Variants in ERH observed in about 807,000 individuals in gnomAD.
ERH encodes ERH mRNA splicing and mitosis factor.
In ERH, 1 loss-of-function variant was observed where a neutral mutation model predicts 16.8. That is an observed-to-expected ratio of 0.06 (90% CI 0.02 to 0.28). ERH has a LOEUF of 0.28. Among genes scored for constraint, ERH ranks in the 10% least tolerant of loss-of-function variants. ERH has a pLI of 1.00. For missense variants in ERH, 42 were observed against 127.5 expected (o/e 0.33, Z 3.23); for synonymous variants, 43 against 43.6 (o/e 0.99, Z 0.05).
At chr14:69,386,120 C>T (rs1014626418) in intron 3 of ERH, among the ~76,000 whole-genome samples, 3 of 152,132 alleles carry the variant, frequency 2.0e-5, no homozygotes, top group East Asian at 1.9e-4. Flanking sequence ...TGGCTACAAC[C>T]GGAACACAAT....
At chr14:69,389,389 A>T (rs1401411260) in intron 2 of ERH, among the ~76,000 whole-genome samples, 1 of 152,186 alleles carries the variant, frequency 6.6e-6, no homozygotes, top group Admixed American at 6.5e-5. Flanking sequence ...GAATACCAGA[A>T]TATTTATTGC....
intron 2 of ERH, among the ~76,000 whole-genome samples, chr14:69,389,400 G>T (rs538931493): frequency 2.6e-5 from 4 of 152,116 alleles, no homozygotes; most frequent in Non-Finnish European, 2.9e-5. Context: ...TATTTATTGC[G>T]CTACTTGTAT....
intron 1 of ERH, 139 bp downstream of exon 1, chr14:69,398,091 AG>A: frequency 9.2e-7 from 1 of 1,090,914 alleles, no homozygotes; most frequent in Non-Finnish European, 1.4e-6. Flanking sequence ...GGCGGGAAGA[AG>A]GGTCAATCCA....
At chr14:69,397,821 G>A (rs989280655) in intron 1 of ERH, among the ~76,000 whole-genome samples, 5 of 152,208 alleles carry the variant, frequency 3.3e-5, no homozygotes, top group Non-Finnish European at 7.3e-5. Context: ...GGGAGGCTGA[G>A]ACAGGAGAAT....
chr14:69,396,938 A>T (rs1882352586), intron 1 of ERH, among the ~76,000 whole-genome samples: 1 of 152,260 alleles, frequency 6.6e-6, no homozygotes, highest in East Asian at 1.9e-4. Flanking sequence ...TGTAGAAACC[A>T]CGTGCATTCT....
chr14:69,388,804 T>C (rs1382984954), intron 2 of ERH, among the ~76,000 whole-genome samples: 2 of 152,230 alleles, frequency 1.3e-5, no homozygotes, highest in Admixed American at 1.3e-4. Context: ...CTATACTGTA[T>C]ACATAAGCCT....
intron 2 of ERH, among the ~76,000 whole-genome samples, chr14:69,389,074 G>A (rs754641159): frequency 6.6e-6 from 1 of 152,002 alleles, no homozygotes; most frequent in African/African-American, 2.4e-5. Context: ...AGGCTGGAGT[G>A]CATTGGCACA....
At chr14:69,393,834 C>T (rs1288525188) in intron 2 of ERH, among the ~76,000 whole-genome samples, 1 of 152,118 alleles carries the variant, frequency 6.6e-6, no homozygotes, top group Non-Finnish European at 1.5e-5. Context: ...CCAACATGTG[C>T]AACACAGTGA....
At position 69,380,600 on chromosome 14, in the gene ERH, C is replaced by A. The variant is rs2045856999; in HGVS notation, c.253G>T (p.Asp85Tyr). Residue 85 changes from aspartate (D) to tyrosine (Y), a missense_variant, in exon 4 of 4, where the codon GAC becomes TAC. Transcript: ENST00000557016. Reference protein sequence around the residue: ...DTQTYQPYNKDWIKEKIYVLL... With the variant: ...DTQTYQPYNKYWIKEKIYVLL... ...ACGTAGATCTTCTCTTTAATCCAGT[C>A]TTTGTTATAAGGCTGGTATGTCTGG... 2 of 1,608,230 alleles carry A rather than the reference C, an allele frequency of 1.2e-6. No homozygotes were observed. Among genetic ancestry groups the A allele is most frequent in the Admixed American group, 3.4e-5 (2 of 59,516 alleles).
intron 3 of ERH, among the ~76,000 whole-genome samples, chr14:69,385,271 T>C (rs969423685): frequency 3.9e-5 from 6 of 152,220 alleles, no homozygotes; most frequent in African/African-American, 1.4e-4. Flanking sequence ...CACTATCAGA[T>C]AGGTACTTTG....
intron 2 of ERH, among the ~76,000 whole-genome samples, chr14:69,387,340 T>C (rs1441141549): frequency 6.6e-6 from 1 of 151,790 alleles, no homozygotes; most frequent in East Asian, 2.0e-4. Context: ...GAGCATCACT[T>C]GAGCCCCACA....
chr14:69,384,832 T>C (rs1384201848), intron 3 of ERH, among the ~76,000 whole-genome samples: 1 of 152,186 alleles, frequency 6.6e-6, no homozygotes, highest in Non-Finnish European at 1.5e-5. Flanking sequence ...ATATACACAT[T>C]ATTGGTAATT....
At chr14:69,385,651 G>GAA (rs375731964) in intron 3 of ERH, among the ~76,000 whole-genome samples, 171 of 126,476 alleles carry the variant, frequency 1.4e-3, no homozygotes, top group East Asian at 5.5e-3. Context: ...TAAAAAAAAG[G>GAA]AAAAAAAAAA....
chr14:69,388,016 G>C (rs2045902746), intron 2 of ERH, among the ~76,000 whole-genome samples: 1 of 152,152 alleles, frequency 6.6e-6, no homozygotes, highest in African/African-American at 2.4e-5. Context: ...CTGCACTCCA[G>C]CCCGGGTGAC....
rs1185220464 is a variant in ERH, at chr14:69,380,342, G to A, written c.*196C>T. Reference sequence around the variant, plus strand: ...AAATGTTTAAGTAAAAAAAAAAAAAGAAAGAGAAAGAAAAAGAGGAGGTAA... The same window carrying A: ...AAATGTTTAAGTAAAAAAAAAAAAAAAAAGAGAAAGAAAAAGAGGAGGTAA... On this transcript the variant is annotated 3_prime_UTR_variant, in exon 4 of 4. Transcript: ENST00000557016. The A allele has an allele frequency of 6.5e-5, 26 of 397,206 alleles. No individual in the cohort carries two copies. The highest frequency in any genetic ancestry group is 1.9e-4 in the East Asian group (5 of 26,924). 24.6% of individuals were successfully genotyped at this position (397,206 alleles called of 1,614,324 possible). A position where few individuals can be genotyped will look rare whatever the true frequency, so the allele number is the denominator to read the frequency against.
chr14:69,396,462 T>C (rs1594890349), intron 1 of ERH, among the ~76,000 whole-genome samples: 2 of 152,330 alleles, frequency 1.3e-5, no homozygotes, highest in South Asian at 4.1e-4. Context: ...GGTTTCTCCA[T>C]GTTGGTCAGA....
At chr14:69,393,403 T>A (rs1226134226) in intron 2 of ERH, among the ~76,000 whole-genome samples, 1 of 152,106 alleles carries the variant, frequency 6.6e-6, no homozygotes, top group Non-Finnish European at 1.5e-5. Flanking sequence ...CAACTACGTA[T>A]CCATCAATGG....
chr14:69,380,600 C>G lies in ERH; in HGVS notation c.253G>C (p.Asp85His). The G allele has an allele frequency of 3.7e-6, 6 of 1,608,348 alleles. No individual in the cohort carries two copies. The highest frequency in any genetic ancestry group is 5.1e-6 in the Non-Finnish European group (6 of 1,176,904). Residue 85 changes from aspartate (D) to histidine (H), a missense_variant, in exon 4 of 4, where the codon GAC becomes CAC. Coordinates refer to ENST00000557016, the MANE Select transcript of ERH (RefSeq NM_004450.3). The part of the protein sequence containing the change: ...DTQTYQPYNK[D>H]WIKEKIYVLL... ...ACGTAGATCTTCTCTTTAATCCAGT[C>G]TTTGTTATAAGGCTGGTATGTCTGG...
rs927706236 is a variant in ERH, at chr14:69,398,077, C to A, written c.3+154G>T. ...AGGCCTAGAGTCAGGCCTGGCGTCC[C>A]TGCGGCGGGAAGAAGGGTCAATCCA... is the stretch of plus-strand genomic sequence containing the variant. On this transcript the variant is annotated intron_variant, in intron 1 of 3. Coordinates refer to ENST00000557016, the MANE Select transcript of ERH (RefSeq NM_004450.3). The A allele has an allele frequency of 3.0e-6, 3 of 999,256 alleles. No individual in the cohort carries two copies. The Admixed American group carries it at 6.4e-5, about 21-fold the overall frequency. 61.9% of individuals were successfully genotyped at this position (999,256 alleles called of 1,614,324 possible). A position where few individuals can be genotyped will look rare whatever the true frequency, so the allele number is the denominator to read the frequency against.
Sources: allele counts gnomAD v4.1 joint callset (sites outside exome capture counted in the v4.1 genomes callset), GRCh38; gene constraint gnomAD v4.1.1; transcripts MANE v1.5; gene names NCBI Gene and HGNC (gene_info 2026-07-23, HGNC 2026-07-21).